PARVG: variants seen among roughly 807,000 people sequenced by gnomAD.
The protein encoded by PARVG is parvin gamma.
A neutral mutation model predicts 44.4 loss-of-function variants in PARVG; 36 were observed. The observed-to-expected ratio is 0.81, with a 90% CI of 0.62 to 1.07. The LOEUF (loss-of-function observed/expected upper bound fraction) is 1.07. Among genes scored for constraint, PARVG ranks in the 50% least tolerant of loss-of-function variants. The pLI is 0.00. For missense variants in PARVG, 407 were observed against 407.4 expected (o/e 1.00, Z 0.01); for synonymous variants, 170 against 174.1 (o/e 0.98, Z 0.19).
intron 1 of PARVG, among the ~76,000 whole-genome samples, chr22:44,175,757 C>T (rs997089890): frequency 6.6e-6 from 1 of 151,942 alleles, no homozygotes; most frequent in Non-Finnish European, 1.5e-5. Flanking sequence ...ACAGTGAGGC[C>T]GATGAAGAAA....
rs2054401866 is a variant in PARVG at position 44,182,787 on chromosome 22, C to T, written c.-12-531C>T. ...GCATGTGGTGAGCCCAGCCTTCTGC[C>T]TGTAATGAGGAGGAGGAAGATGAAC... On this transcript the variant is annotated intron_variant, in intron 2 of 13. Transcript: ENST00000444313. This position sits in a 1 kb window ranked among gnomAD's most constrained non-coding sequence, Gnocchi z 4.6. Among the ~76,000 whole-genome samples the T allele has an allele frequency of 1.3e-5, 2 of 152,196 alleles. No homozygotes were observed.
chr22:44,205,682 C>T, intron 12 of PARVG, 75 bp from the exon 13 acceptor site: 1 of 1,562,784 alleles, frequency 6.4e-7, no homozygotes, highest in Non-Finnish European at 8.8e-7. Context: ...ACAGGAAGGG[C>T]TTGGCACTTG....
chr22:44,182,298 C>G lies in PARVG; in HGVS notation c.-13+381C>G, dbSNP rs1019833437. 6.6e-6 allele frequency among the ~76,000 whole-genome samples: 1 copy of G among 152,234 alleles called. No individual in the cohort carries two copies. Among genetic ancestry groups the G allele is most frequent in the African/African-American group, 2.4e-5 (1 of 41,466 alleles). On this transcript the variant is annotated intron_variant, in intron 2 of 13. Coordinates refer to ENST00000444313, the MANE Select transcript of PARVG (RefSeq NM_022141.7). The surrounding 1 kb of genome is among the most constrained non-coding windows in gnomAD (Gnocchi z 4.6). ...CAGAGAGGGCAGGGGGTTTGCCCAA[C>G]GTCACACAGCCTGAGTGAGGAGGAG... is the stretch of plus-strand genomic sequence containing the variant.
At chr22:44,192,229 C>T in intron 8 of PARVG, 125 bp downstream of exon 8, 2 of 1,119,568 alleles carry the variant, frequency 1.8e-6, no homozygotes, top group African/African-American at 3.1e-5. Flanking sequence ...GTGGCTTTCT[C>T]TCAGACCCGA....
intron 6 of PARVG, 61 bp from the exon 7 acceptor site, chr22:44,190,490 C>A: frequency 7.9e-7 from 1 of 1,271,482 alleles, no homozygotes; most frequent in African/African-American, 1.5e-5. Flanking sequence ...GAGGAAGCCT[C>A]CATTTGGCTG....
At chr22:44,174,017 A>T (rs2054295377) in intron 1 of PARVG, among the ~76,000 whole-genome samples, 1 of 152,184 alleles carries the variant, frequency 6.6e-6, no homozygotes, top group African/African-American at 2.4e-5. Flanking sequence ...TTTTCCACTG[A>T]AATGCCGAGT....
At chr22:44,176,739 A>T (rs1000395529), upstream of PARVG, among the ~76,000 whole-genome samples, 2 of 152,100 alleles carry the variant, frequency 1.3e-5, no homozygotes, top group Non-Finnish European at 1.5e-5. Context: ...GTATTAATCC[A>T]TTCTCATGCT....
At position 44,206,648 on chromosome 22, in the gene PARVG, G is replaced by T. The variant is rs2147243964; in HGVS notation, c.*222G>T. ...AGTTTATTTTAATAAAAGTATTTCT[G>T]GGAGGGATTCTGGGAACTTGACAGG... On this transcript the variant is annotated 3_prime_UTR_variant, in exon 14 of 14. Transcript: ENST00000444313. 3.7e-6 allele frequency: 2 copies of T among 543,854 alleles called. No homozygotes were observed. The highest frequency in any genetic ancestry group is 1.9e-5 in the African/African-American group (1 of 52,520). The allele number at this position is 543,854 out of a possible 1,614,324, so 33.7% of individuals were successfully genotyped here.
intron 3 of PARVG, chr22:44,185,445 A>G (rs983789998): frequency 2.1e-4 from 38 of 183,424 alleles, no homozygotes; most frequent in African/African-American, 8.0e-4. Flanking sequence ...GACCTGGGGT[A>G]AGTCCCACCT....
At chr22:44,199,069 G>A (rs964397986) in intron 12 of PARVG, among the ~76,000 whole-genome samples, 12 of 148,230 alleles carry the variant, frequency 8.1e-5, no homozygotes, top group African/African-American at 3.0e-4. Context: ...CACCTACCAA[G>A]CCACCCACCA....
chr22:44,198,428 A>G (rs1318194273), intron 11 of PARVG, among the ~76,000 whole-genome samples, 193 bp from the exon 12 acceptor site: 1 of 152,230 alleles, frequency 6.6e-6, no homozygotes, highest in Non-Finnish European at 1.5e-5. Context: ...AGCATGTACT[A>G]TATACCAGGC....
chr22:44,193,945 C>G (rs2054584429), intron 9 of PARVG, 122 bp downstream of exon 9: 1 of 1,264,954 alleles, frequency 7.9e-7, no homozygotes, highest in South Asian at 1.3e-5. Context: ...CTGTTTGTAT[C>G]TCAAGCCTCA....
At chr22:44,202,803 T>C (rs2054727274) in intron 12 of PARVG, among the ~76,000 whole-genome samples, 1 of 152,240 alleles carries the variant, frequency 6.6e-6, no homozygotes, top group Non-Finnish European at 1.5e-5. Flanking sequence ...ATGGTGTTTA[T>C]GTGAGATAGT....
intron 11 of PARVG, among the ~76,000 whole-genome samples, 191 bp from the exon 12 acceptor site, chr22:44,198,430 A>G (rs897253492): frequency 6.6e-6 from 1 of 152,218 alleles, no homozygotes; most frequent in South Asian, 2.1e-4. Context: ...CATGTACTAT[A>G]TACCAGGCAG....
upstream of PARVG, among the ~76,000 whole-genome samples, chr22:44,178,549 C>T (rs1203758762): frequency 3.9e-5 from 6 of 152,202 alleles, no homozygotes; most frequent in Non-Finnish European, 7.3e-5. Context: ...TAATGTCTAG[C>T]ATTCAATAAA....
upstream of PARVG, chr22:44,180,798 C>A (rs993016811): frequency 7.6e-5 from 25 of 326,896 alleles, no homozygotes; most frequent in Non-Finnish European, 1.1e-4. Flanking sequence ...TGCTCTCACA[C>A]ACTCCTTACA....
At chr22:44,177,644 G>A (rs535610582), upstream of PARVG, among the ~76,000 whole-genome samples, 20 of 152,204 alleles carry the variant, frequency 1.3e-4, no homozygotes, top group East Asian at 1.7e-3. Context: ...ATGCGTTTTC[G>A]GTAGAAGTGA....
intron 2 of PARVG, 44 bp from the exon 3 acceptor site, chr22:44,183,274 G>A: frequency 1.3e-6 from 2 of 1,541,958 alleles, no homozygotes; most frequent in African/African-American, 1.4e-5. Flanking sequence ...AGTGAGTTTG[G>A]GGCTTCTCAG....
At position 44,198,925 on chromosome 22, in the gene PARVG, CCCAT is replaced by C. The variant is rs1377821104; in HGVS notation, c.813+215_813+218del. On this transcript the variant is annotated intron_variant, in intron 12 of 13. Coordinates refer to ENST00000444313, the MANE Select transcript of PARVG (RefSeq NM_022141.7). The stretch of plus-strand genomic sequence containing the variant: ...ATCCATCTACCCATCCATCCATCTA[CCCAT>C]CCATCCATCCACCCACCCATCCATC... 4.5e-4 allele frequency among the ~76,000 whole-genome samples: 21 copies of C among 46,312 alleles called. 1 individual carries two copies. Among genetic ancestry groups the C allele is most frequent in the Admixed American group, 3.9e-3 (18 of 4,664 alleles). 30.4% of individuals were successfully genotyped at this position (46,312 alleles called of 152,430 possible).
Sources: gnomAD v4.1 joint callset for allele counts (sites outside exome capture counted in the v4.1 genomes callset) on GRCh38, gnomAD v4.1.1 for gene constraint, Gnocchi (gnomAD v3.1) non-coding constraint, MANE v1.5 for transcripts, NCBI Gene and HGNC (gene_info 2026-07-23, HGNC 2026-07-21) for gene names.